RNF222: variants seen among roughly 807,000 people sequenced by gnomAD.
The protein encoded by RNF222 is ring finger protein 222.
Under a neutral mutation model 10.8 loss-of-function variants are expected in RNF222, and 14 were observed. The ratio of observed to expected loss-of-function variants is 1.30; its 90% CI spans 0.86 to 2.03. The LOEUF is 2.03. Ranked by LOEUF, RNF222 falls within the 30% of genes most tolerant of loss-of-function variation. The pLI is 0.00. For missense variants in RNF222, 298 were observed against 295.8 expected, an observed-to-expected ratio of 1.01 and a Z score of -0.06; for synonymous variants, 141 against 142.5, an observed-to-expected ratio of 0.99 and a Z score of 0.07.
Position 8,393,079 on chromosome 17 carries a change from C to A in RNF222, c.383G>T (p.Ser128Ile). 6.7e-7 allele frequency: 1 copy of A among 1,493,380 alleles called. No individual in the cohort carries two copies. The allele number at this position is 1,493,380 out of a possible 1,614,324, so 92.5% of individuals were successfully genotyped here. The change falls in exon 3 of 3, where the codon AGC (serine) becomes ATC (isoleucine). Residue 128 changes from serine to isoleucine, a missense_variant. Coordinates refer to ENST00000399398, the MANE Select transcript of RNF222 (RefSeq NM_001146684.3). ...GGGGAGCTGGGCGCTCTGGCCCGGG[C>A]TGCCTGGCGGCCTGGCCTGGCCTGG... is the stretch of plus-strand genomic sequence containing the variant. ...PPPGQARPPGSPGQSAQLPLD... is the reference protein window; with the variant it reads ...PPPGQARPPGIPGQSAQLPLD...
Position 8,390,870 on chromosome 17 carries a change from C to T in RNF222, c.*1929G>A, listed in dbSNP as rs1907799393. 6.6e-6 allele frequency: 1 copy of T among 152,092 alleles called. No individual in the cohort carries two copies. The highest frequency in any genetic ancestry group is 2.1e-4 in the South Asian group (1 of 4,822). 9.4% of individuals were successfully genotyped at this position (152,092 alleles called of 1,614,324 possible). ...TCTGAAAAGACTAGAACCAGGTTCC[C>T]AGAAATTCATGACACTGTTTAAAAC... On this transcript the variant is annotated 3_prime_UTR_variant, in exon 3 of 3. Transcript: ENST00000399398.
In RNF222 at chr17:8,391,943, AG is replaced by A. The variant is rs1370249197; in HGVS notation, c.*855del. ...GAGGACTAGCTGGGAGGGAGGCGGG[AG>A]CCCCCAGGGGTTCGTTTGCCCACAT... On this transcript the variant is annotated 3_prime_UTR_variant, in exon 3 of 3. Coordinates refer to ENST00000399398, the MANE Select transcript of RNF222 (RefSeq NM_001146684.3). 1 of 152,228 alleles carries A rather than the reference AG, an allele frequency of 6.6e-6. No individual in the cohort carries two copies. The highest frequency in any genetic ancestry group is 1.5e-5 in the Non-Finnish European group (1 of 68,166). 9.4% of individuals were successfully genotyped at this position (152,228 alleles called of 1,614,324 possible). A position where few individuals can be genotyped will look rare whatever the true frequency, so the allele number is the denominator to read the frequency against.
chr17:8,395,773 C>A (rs1232205211), intron 1 of RNF222, among the ~76,000 whole-genome samples: 1 of 152,182 alleles, frequency 6.6e-6, no homozygotes, highest in Non-Finnish European at 1.5e-5. Flanking sequence ...TATTTCATAA[C>A]ACATTTGCAA....
In RNF222 at chr17:8,392,926, A is replaced by C. The variant is rs549302315; in HGVS notation, c.536T>G (p.Leu179Arg). ...GAAGGCGCGGGCGGAGCGGGGCGCC[A>C]GGGAGGCCTCCGAGAGCTCTGCCAG... ...RSLAELSEAS[L>R]APRSARAFCC... Residue 179 changes from leucine to arginine, a missense_variant, in exon 3 of 3, where the codon CTG (leucine) becomes CGG (arginine). Coordinates refer to ENST00000399398, the MANE Select transcript of RNF222 (RefSeq NM_001146684.3). The surrounding 1 kb of genome is among the most constrained non-coding windows in gnomAD (Gnocchi z 4.3). 4.9e-4 allele frequency: 747 copies of C among 1,530,116 alleles called. 7 individuals carry two copies. In the South Asian group the frequency reaches 8.5e-3, roughly 17 times the overall value. 94.8% of individuals were successfully genotyped at this position (1,530,116 alleles called of 1,614,324 possible). A position where few individuals can be genotyped will look rare whatever the true frequency, so the allele number is the denominator to read the frequency against.
At position 8,392,970 on chromosome 17, in the gene RNF222, G is replaced by A. The variant is rs968209150; in HGVS notation, c.492C>T (p.Ser164=). 2.6e-6 allele frequency: 4 copies of A among 1,510,928 alleles called. No homozygotes were observed. Among genetic ancestry groups the A allele is most frequent in the South Asian group, 1.3e-5 (1 of 79,168 alleles). The allele number at this position is 1,510,928 out of a possible 1,614,324, so 93.6% of individuals were successfully genotyped here. ...RHGMPLGEQD[S]VLPRRSLAEL... Reference sequence around the variant, plus strand: ...CTGCCAGGCTGCGGCGGGGCAGCACGCTGTCCTGCTCCCCCAGGGGCATCC... The same window carrying A: ...CTGCCAGGCTGCGGCGGGGCAGCACACTGTCCTGCTCCCCCAGGGGCATCC... The change falls in exon 3 of 3, where the codon AGC becomes AGT. Residue 164 remains serine (S), a synonymous_variant. Transcript: ENST00000399398. The surrounding 1 kb of genome is among the most constrained non-coding windows in gnomAD (Gnocchi z 4.3).
At position 8,392,977 on chromosome 17, in the gene RNF222, T is replaced by C; in HGVS notation, c.485A>G (p.Gln162Arg). 1 of 1,507,948 alleles carries C rather than the reference T, an allele frequency of 6.6e-7. No individual in the cohort carries two copies. The highest frequency in any genetic ancestry group is 1.3e-5 in the South Asian group (1 of 78,686). The allele number at this position is 1,507,948 out of a possible 1,614,324, so 93.4% of individuals were successfully genotyped here. A position where few individuals can be genotyped will look rare whatever the true frequency, so the allele number is the denominator to read the frequency against. ...GCTGCGGCGGGGCAGCACGCTGTCC[T>C]GCTCCCCCAGGGGCATCCCGTGGCG... ...ISRHGMPLGE[Q>R]DSVLPRRSLA... Residue 162 changes from glutamine to arginine, a missense_variant, in exon 3 of 3, where the codon CAG (glutamine) becomes CGG (arginine). Gln to Arg is a conservative substitution (Grantham distance 43, BLOSUM62 1). Coordinates refer to ENST00000399398, the MANE Select transcript of RNF222 (RefSeq NM_001146684.3). The surrounding 1 kb of genome is among the most constrained non-coding windows in gnomAD (Gnocchi z 4.3).
chr17:8,394,843 G>A (rs1246780322), intron 1 of RNF222, among the ~76,000 whole-genome samples: 1 of 152,226 alleles, frequency 6.6e-6, no homozygotes, highest in Non-Finnish European at 1.5e-5. Flanking sequence ...GGGGTGTGTG[G>A]TGAGGTCCAA....
rs966083181 is a variant in RNF222 at position 8,391,891 on chromosome 17, C to G, written c.*908G>C. ...GAAACTGGCCCAGCTGGTGTGGCCT[C>G]TAAATGAGTGGCTGGGTCATGAGGA... On this transcript the variant is annotated 3_prime_UTR_variant, in exon 3 of 3. Coordinates refer to ENST00000399398, the MANE Select transcript of RNF222 (RefSeq NM_001146684.3). The G allele has an allele frequency of 6.6e-6, 1 of 152,352 alleles. No homozygotes were observed. The highest frequency in any genetic ancestry group is 1.5e-5 in the Non-Finnish European group (1 of 68,138). The allele number at this position is 152,352 out of a possible 1,614,324, so 9.4% of individuals were successfully genotyped here. A position where few individuals can be genotyped will look rare whatever the true frequency, so the allele number is the denominator to read the frequency against.
rs1267268110 is a variant in RNF222 at position 8,392,445 on chromosome 17, C to T, written c.*354G>A. Reference sequence around the variant, plus strand: ...GTCTGCCTGCAGGACTTTCTTGTCCCTGGAGGGGCCCACCTGGCTTTGGGC... The same window carrying T: ...GTCTGCCTGCAGGACTTTCTTGTCCTTGGAGGGGCCCACCTGGCTTTGGGC... On this transcript the variant is annotated 3_prime_UTR_variant, in exon 3 of 3. Transcript: ENST00000399398. This position sits in a 1 kb window ranked among gnomAD's most constrained non-coding sequence, Gnocchi z 4.3. The T allele has an allele frequency of 7.4e-6, 2 of 271,148 alleles. No individual in the cohort carries two copies. Among genetic ancestry groups the T allele is most frequent in the African/African-American group, 2.3e-5 (1 of 44,100 alleles). The allele number at this position is 271,148 out of a possible 1,614,324, so 16.8% of individuals were successfully genotyped here. A position where few individuals can be genotyped will look rare whatever the true frequency, so the allele number is the denominator to read the frequency against.
chr17:8,392,627 T>C lies in RNF222; in HGVS notation c.*172A>G, dbSNP rs1907874787. ...CGCATGGAGTCAGCTCCAGCCTCTC[T>C]GTCGAGCGGAAGCCCCTGCGGGGGT... On this transcript the variant is annotated 3_prime_UTR_variant, in exon 3 of 3. Transcript: ENST00000399398. This position sits in a 1 kb window ranked among gnomAD's most constrained non-coding sequence, Gnocchi z 4.3. 1 of 752,886 alleles carries C rather than the reference T, an allele frequency of 1.3e-6. No homozygotes were observed. The highest frequency in any genetic ancestry group is 1.8e-5 in the African/African-American group (1 of 54,066). 46.6% of individuals were successfully genotyped at this position (752,886 alleles called of 1,614,324 possible).
Position 8,393,119 on chromosome 17 carries a change from C to G in RNF222, c.343G>C (p.Ala115Pro). 3.3e-6 allele frequency: 5 copies of G among 1,528,396 alleles called. No homozygotes were observed. The highest frequency in any genetic ancestry group is 4.4e-6 in the Non-Finnish European group (5 of 1,136,212). The allele number at this position is 1,528,396 out of a possible 1,614,324, so 94.7% of individuals were successfully genotyped here. A position where few individuals can be genotyped will look rare whatever the true frequency, so the allele number is the denominator to read the frequency against. ...GCCTGGCCTGGAGGTGGCCTCCAGG[C>G]AGGGGAGGAGGCGGCCAGGGGGTTT... is the stretch of plus-strand genomic sequence containing the variant. ...HTNPLAASSP[A>P]WRPPPGQARP... The change falls in exon 3 of 3, where the codon GCC becomes CCC. Residue 115 changes from alanine to proline, a missense_variant. Ala to Pro is a conservative substitution (Grantham distance 27). Coordinates refer to ENST00000399398, the MANE Select transcript of RNF222 (RefSeq NM_001146684.3).
At position 8,392,990 on chromosome 17, in the gene RNF222, G is replaced by T; in HGVS notation, c.472C>A (p.Pro158Thr). 6.7e-7 allele frequency: 1 copy of T among 1,503,124 alleles called. No homozygotes were observed. The highest frequency in any genetic ancestry group is 1.4e-5 in the African/African-American group (1 of 72,394). 93.1% of individuals were successfully genotyped at this position (1,503,124 alleles called of 1,614,324 possible). A position where few individuals can be genotyped will look rare whatever the true frequency, so the allele number is the denominator to read the frequency against. The change falls in exon 3 of 3, where the codon CCC becomes ACC. Residue 158 changes from proline (P) to threonine (T), a missense_variant. By Grantham distance (38) the Pro-to-Thr change is conservative. Transcript: ENST00000399398. The surrounding 1 kb of genome is among the most constrained non-coding windows in gnomAD (Gnocchi z 4.3). ...AGCACGCTGTCCTGCTCCCCCAGGGGCATCCCGTGGCGGCTGATGACAAAG... is the reference window on the plus strand; with the variant it reads ...AGCACGCTGTCCTGCTCCCCCAGGGTCATCCCGTGGCGGCTGATGACAAAG... The part of the protein sequence containing the change: ...QIFVISRHGM[P>T]LGEQDSVLPR...
chr17:8,394,641 T>A (rs1472996874), intron 1 of RNF222, among the ~76,000 whole-genome samples: 1 of 152,218 alleles, frequency 6.6e-6, no homozygotes, highest in Non-Finnish European at 1.5e-5. Context: ...TTTCACCATG[T>A]TGGCCAGGCT....
At chr17:8,396,555 T>C (rs530921534) in intron 1 of RNF222, among the ~76,000 whole-genome samples, 5 of 145,994 alleles carry the variant, frequency 3.4e-5, no homozygotes, top group African/African-American at 8.0e-5. Flanking sequence ...AATCCTTCCC[T>C]CTTACAACGA....
chr17:8,393,079 CT>C lies in RNF222; in HGVS notation c.382del (p.Ser128AlafsTer89). 1 of 1,493,380 alleles carries C rather than the reference CT, an allele frequency of 6.7e-7. No individual in the cohort carries two copies. The highest frequency in any genetic ancestry group is 8.9e-7 in the Non-Finnish European group (1 of 1,124,106). The allele number at this position is 1,493,380 out of a possible 1,614,324, so 92.5% of individuals were successfully genotyped here. ...GGGGAGCTGGGCGCTCTGGCCCGGGCTGCCTGGCGGCCTGGCCTGGCCTGGA... is the reference window on the plus strand; with the variant it reads ...GGGGAGCTGGGCGCTCTGGCCCGGGCGCCTGGCGGCCTGGCCTGGCCTGGA... ...PPPGQARPPGSPGQSAQLPLD... is the reference protein window; with the variant it reads ...PPPGQARPPGXPGQSAQLPLD... On this transcript the variant is annotated frameshift_variant, in exon 3 of 3. Transcript: ENST00000399398. LOFTEE classifies it high-confidence loss of function.
At position 8,393,130 on chromosome 17, in the gene RNF222, G is replaced by C; in HGVS notation, c.332C>G (p.Ala111Gly). ...DSLGHTNPLA[A>G]SSPAWRPPPG... ...AGGTGGCCTCCAGGCAGGGGAGGAG[G>C]CGGCCAGGGGGTTTGTGTGGCCCAG... Residue 111 changes from alanine (A) to glycine (G), a missense_variant, in exon 3 of 3, where the codon GCC becomes GGC. Physicochemically the swap from Ala to Gly is moderately conservative, Grantham distance 60. Coordinates refer to ENST00000399398, the MANE Select transcript of RNF222 (RefSeq NM_001146684.3). 1 of 1,536,188 alleles carries C rather than the reference G, an allele frequency of 6.5e-7. No homozygotes were observed. Among genetic ancestry groups the C allele is most frequent in the South Asian group, 1.2e-5 (1 of 82,682 alleles).
chr17:8,393,531 C>T, intron 2 of RNF222, 45 bp from the exon 3 acceptor site: 1 of 1,481,824 alleles, frequency 6.7e-7, no homozygotes. Flanking sequence ...TTCCTCTTTC[C>T]CTCCCCCGTC....
intron 1 of RNF222, among the ~76,000 whole-genome samples, chr17:8,395,108 T>C (rs1907998905): frequency 6.6e-6 from 1 of 152,188 alleles, no homozygotes; most frequent in Non-Finnish European, 1.5e-5. Context: ...AATCCCTCCC[T>C]CTCTTGGCTT....
chr17:8,394,927 A>G (rs1375111605), intron 1 of RNF222, among the ~76,000 whole-genome samples: 1 of 152,248 alleles, frequency 6.6e-6, no homozygotes, highest in Admixed American at 6.5e-5. Context: ...CTTTAAAAAG[A>G]ACCATGATTC....
Sources: allele counts gnomAD v4.1 joint callset (sites outside exome capture counted in the v4.1 genomes callset), GRCh38; gene constraint gnomAD v4.1.1; non-coding constraint Gnocchi (gnomAD v3.1); transcripts MANE v1.5; gene names NCBI Gene and HGNC (gene_info 2026-07-23, HGNC 2026-07-21).